SCN10A: variants seen among roughly 807,000 people sequenced by gnomAD.
SCN10A encodes the protein sodium voltage-gated channel alpha subunit 10.
In SCN10A, 162 loss-of-function variants were observed where a neutral mutation model predicts 170.7. That is an observed-to-expected ratio of 0.95 (90% CI 0.84 to 1.08). The LOEUF (loss-of-function observed/expected upper bound fraction) is 1.08. Ranked by LOEUF, SCN10A falls within the 50% of genes least tolerant of loss-of-function variation. The probability of loss-of-function intolerance (pLI) is 0.00; values close to 1 mark genes in which losing one functional copy is unlikely to be tolerated. For synonymous variants in SCN10A, 985 were observed against 904.6 expected, an observed-to-expected ratio of 1.09 and a Z score of -1.59; for missense variants, 2,527 against 2,436.9, an observed-to-expected ratio of 1.04 and a Z score of -0.78.
At chr3:38,724,342 C>A (rs2063429945) in intron 18 of SCN10A, among the ~76,000 whole-genome samples, 1 of 152,256 alleles carries the variant, frequency 6.6e-6, no homozygotes, top group Non-Finnish European at 1.5e-5. Flanking sequence ...GTGCCTGTCA[C>A]AAAGTCAGCA....
Position 38,792,120 on chromosome 3 carries a change from T to G in SCN10A, c.319A>C (p.Thr107Pro). ...GGACTGAATAGCCACAGGGCCCGAG[T>G]GGCACTAAACCGGGAAATGGTCCTC... ...KGRTISRFSA[T>P]RALWLFSPFN... Residue 107 changes from threonine (T) to proline (P), a missense_variant, in exon 3 of 28, where the codon ACT (threonine) becomes CCT (proline). Physicochemically the swap from Thr to Pro is conservative, Grantham distance 38. Coordinates refer to ENST00000449082, the MANE Select transcript of SCN10A (RefSeq NM_006514.4). 6.2e-7 allele frequency: 1 copy of G among 1,613,822 alleles called. No homozygotes were observed. The highest frequency in any genetic ancestry group is 1.1e-5 in the South Asian group (1 of 91,076).
rs1296278088 is a variant in SCN10A at position 38,712,421 on chromosome 3, C to T, written c.3829G>A (p.Ala1277Thr). ...AGGACATTCATGATGGATGGGATGG[C>T]GCCCACCAGGGCATCCACCACCACC... Reference protein sequence around the residue: ...MRVVVDALVGAIPSIMNVLLV... With the variant: ...MRVVVDALVGTIPSIMNVLLV... Residue 1277 changes from alanine (A) to threonine (T), a missense_variant, in exon 23 of 28, where the codon GCC becomes ACC. Coordinates refer to ENST00000449082, the MANE Select transcript of SCN10A (RefSeq NM_006514.4). 3 of 1,613,806 alleles carry T rather than the reference C, an allele frequency of 1.9e-6. No individual in the cohort carries two copies. Among genetic ancestry groups the T allele is most frequent in the African/African-American group, 1.3e-5 (1 of 74,924 alleles).
chr3:38,725,360 T>A lies in SCN10A; in HGVS notation c.3088-46A>T, dbSNP rs777336791. 4 of 1,510,202 alleles carry A rather than the reference T, an allele frequency of 2.6e-6. No individual in the cohort carries two copies. The South Asian group carries it at 5.3e-5, about 20-fold the overall frequency. The allele number at this position is 1,510,202 out of a possible 1,614,324, so 93.6% of individuals were successfully genotyped here. A position where few individuals can be genotyped will look rare whatever the true frequency, so the allele number is the denominator to read the frequency against. On this transcript the variant is annotated intron_variant, in intron 17 of 27. Coordinates refer to ENST00000449082, the MANE Select transcript of SCN10A (RefSeq NM_006514.4). ...CTGGGTGCCTGGCCCCACCCTTAGATGACCAGTTCTAAATTTGAAGGGATC... is the reference window on the plus strand; with the variant it reads ...CTGGGTGCCTGGCCCCACCCTTAGAAGACCAGTTCTAAATTTGAAGGGATC...
At chr3:38,751,168 G>A (rs2063743123) in intron 12 of SCN10A, among the ~76,000 whole-genome samples, 2 of 152,202 alleles carry the variant, frequency 1.3e-5, no homozygotes, top group African/African-American at 4.8e-5. Flanking sequence ...TGGCTGAGTA[G>A]CAGAGCTGTG....
chr3:38,711,276 T>A (rs976174402), intron 23 of SCN10A, among the ~76,000 whole-genome samples: 3 of 152,220 alleles, frequency 2.0e-5, no homozygotes, highest in African/African-American at 4.8e-5. Context: ...ATGCACATGA[T>A]GTAAGAATGG....
chr3:38,767,932 A>G (rs1575164176), intron 5 of SCN10A, among the ~76,000 whole-genome samples: 1 of 152,164 alleles, frequency 6.6e-6, no homozygotes, highest in African/African-American at 2.4e-5. Context: ...TGTTAGGTGC[A>G]TATGTATTTA....
chr3:38,723,409 G>C, intron 19 of SCN10A, 21 bp downstream of exon 19: 1 of 1,613,894 alleles, frequency 6.2e-7, no homozygotes, highest in East Asian at 2.2e-5. Flanking sequence ...AGTGTGAGGG[G>C]GCCTGTGGCT....
intron 1 of SCN10A, among the ~76,000 whole-genome samples, chr3:38,812,831 C>T (rs905822592): frequency 5.3e-5 from 8 of 152,036 alleles, no homozygotes; most frequent in Admixed American, 3.9e-4. Flanking sequence ...CCAAGGAGTT[C>T]GAGACCAGCC....
At chr3:38,806,159 A>G (rs961684493) in intron 1 of SCN10A, among the ~76,000 whole-genome samples, 28 of 152,146 alleles carry the variant, frequency 1.8e-4, no homozygotes, top group African/African-American at 6.3e-4. Flanking sequence ...CTAAAAGGGA[A>G]GAAGAGCGTA....
intron 7 of SCN10A, 152 bp from the exon 8 acceptor site, chr3:38,760,899 A>T: frequency 1.5e-6 from 1 of 666,242 alleles, no homozygotes; most frequent in Non-Finnish European, 2.6e-6. Flanking sequence ...GGAAGTTGTA[A>T]AGTCACATCT....
intron 5 of SCN10A, among the ~76,000 whole-genome samples, chr3:38,770,831 T>C (rs2126040544): frequency 6.6e-6 from 1 of 152,278 alleles, no homozygotes; most frequent in Non-Finnish European, 1.5e-5. Context: ...CTGTGAGACA[T>C]AGTCAGGGAT....
chr3:38,739,386 A>T, intron 15 of SCN10A, 129 bp downstream of exon 15: 1 of 770,256 alleles, frequency 1.3e-6, no homozygotes, highest in Non-Finnish European at 2.0e-6. Flanking sequence ...GTCGCCCAGG[A>T]GTCAGACCCT....
At chr3:38,710,510 C>T (rs1426036427) in intron 24 of SCN10A, among the ~76,000 whole-genome samples, 3 of 152,162 alleles carry the variant, frequency 2.0e-5, no homozygotes. Flanking sequence ...CCCTATGCAC[C>T]TTGATTTAGC....
At position 38,761,315 on chromosome 3, in the gene SCN10A, T is replaced by C. The variant is rs766143752; in HGVS notation, c.760A>G (p.Ile254Val). ...KKLADVTILT[I>V]FCLSVFALVG... ...AAGGCAAAAACACTTAGGCAGAAGA[T>C]GGTGAGGATGGTCACATCAGCCAGT... Residue 254 changes from isoleucine to valine, a missense_variant, in exon 7 of 28, where the codon ATC (isoleucine) becomes GTC (valine). Transcript: ENST00000449082. 4 of 1,613,968 alleles carry C rather than the reference T, an allele frequency of 2.5e-6. No homozygotes were observed. The East Asian group carries it at 6.7e-5, about 27-fold the overall frequency.
At chr3:38,759,734 G>T (rs6599256) in intron 8 of SCN10A, among the ~76,000 whole-genome samples, 50,118 of 152,050 alleles carry the variant, frequency 0.33, 8,781 homozygotes, top group East Asian at 0.69. Context: ...TATTTTAAAA[G>T]TTGGAAGAGC....
In SCN10A at chr3:38,707,386, G is replaced by A. The variant is rs758791887; in HGVS notation, c.4282-3C>T. Reference sequence around the variant, plus strand: ...ATGAAGATGTCCTGGCCCCCTAAGTGCAGAGAGGGCCACACTGTTACTAAA... The same window carrying A: ...ATGAAGATGTCCTGGCCCCCTAAGTACAGAGAGGGCCACACTGTTACTAAA... On this transcript the variant is annotated splice_polypyrimidine_tract_variant and splice_region_variant and intron_variant, in intron 25 of 27. Coordinates refer to ENST00000449082, the MANE Select transcript of SCN10A (RefSeq NM_006514.4). 2 of 1,613,778 alleles carry A rather than the reference G, an allele frequency of 1.2e-6. No individual in the cohort carries two copies. Among genetic ancestry groups the A allele is most frequent in the South Asian group, 1.1e-5 (1 of 91,072 alleles).
intron 3 of SCN10A, among the ~76,000 whole-genome samples, chr3:38,791,435 G>T (rs976037633): frequency 6.6e-6 from 1 of 152,178 alleles, no homozygotes; most frequent in African/African-American, 2.4e-5. Context: ...GTCTTGTATG[G>T]CATGAACATC....
chr3:38,756,083 G>T lies in SCN10A; in HGVS notation c.1291-125C>A, dbSNP rs1247886356. 29 of 983,756 alleles carry T rather than the reference G, an allele frequency of 2.9e-5. 1 individual carries two copies. The highest frequency in any genetic ancestry group is 1.9e-4 in the Admixed American group (9 of 47,894). 60.9% of individuals were successfully genotyped at this position (983,756 alleles called of 1,614,324 possible). A position where few individuals can be genotyped will look rare whatever the true frequency, so the allele number is the denominator to read the frequency against. On this transcript the variant is annotated intron_variant, in intron 10 of 27. Coordinates refer to ENST00000449082, the MANE Select transcript of SCN10A (RefSeq NM_006514.4). ...CAGAGAAGCTGAAGGGTTAGGACCAGGGTGGTGGTGGGATTAGGCCATGGC... is the reference window on the plus strand; with the variant it reads ...CAGAGAAGCTGAAGGGTTAGGACCATGGTGGTGGTGGGATTAGGCCATGGC...
intron 20 of SCN10A, 105 bp from the exon 21 acceptor site, chr3:38,718,931 AG>A: frequency 9.1e-7 from 1 of 1,096,622 alleles, no homozygotes; most frequent in Non-Finnish European, 1.3e-6. Flanking sequence ...AGTCCCTGGA[AG>A]GGGATTTGGT....
Sources: allele counts gnomAD v4.1 joint callset (sites outside exome capture counted in the v4.1 genomes callset), GRCh38; gene constraint gnomAD v4.1.1; transcripts MANE v1.5; gene names NCBI Gene and HGNC (gene_info 2026-07-23, HGNC 2026-07-21).